The following OR1B1 variants were observed in gnomAD, a reference collection of about 807,000 sequenced individuals.
The protein encoded by OR1B1 is olfactory receptor 1B1.
For synonymous variants in OR1B1, 168 were observed against 156.2 expected (o/e 1.08, Z -0.57); for missense variants, 414 against 402.1 (o/e 1.03, Z -0.25).
At chr9:122,643,501 G>A in the OR1B1 span, among the ~76,000 whole-genome samples, 6 of 152,310 alleles carry the variant, frequency 3.9e-5, no homozygotes, top group African/African-American at 1.4e-4. Flanking sequence ...GGGTTGAAGT[G>A]TTCTCGGGTC....
At chr9:122,650,010 A>G in the OR1B1 span, among the ~76,000 whole-genome samples, 662 of 152,346 alleles carry the variant, frequency 4.3e-3, 4 homozygotes, top group African/African-American at 0.015. Context: ...ATGTCCATCA[A>G]TAATAGACTG....
upstream of OR1B1, among the ~76,000 whole-genome samples, chr9:122,631,562 T>A (rs117245783): frequency 6.6e-6 from 1 of 152,086 alleles, no homozygotes; most frequent in Non-Finnish European, 1.5e-5. Flanking sequence ...ATATGAAAAA[T>A]TAATATCTAA....
At chr9:122,631,810 C>G (rs1192878130), upstream of OR1B1, among the ~76,000 whole-genome samples, 6 of 152,068 alleles carry the variant, frequency 3.9e-5, no homozygotes, top group South Asian at 4.1e-4. Flanking sequence ...CACACACACA[C>G]CTACACCCAC....
upstream of OR1B1, among the ~76,000 whole-genome samples, chr9:122,630,405 C>G (rs180898323): frequency 7.2e-5 from 11 of 152,310 alleles, no homozygotes; most frequent in African/African-American, 2.2e-4. Flanking sequence ...CATTCCTTAA[C>G]GTCTATGTTT....
the OR1B1 span, among the ~76,000 whole-genome samples, chr9:122,654,685 A>G: frequency 3.3e-4 from 51 of 152,260 alleles, no homozygotes; most frequent in African/African-American, 1.2e-3. Flanking sequence ...CTCCATCACC[A>G]GTCTCTGGTA....
At chr9:122,628,332 C>G (rs910977248), downstream of OR1B1, among the ~76,000 whole-genome samples, 1 of 152,168 alleles carries the variant, frequency 6.6e-6, no homozygotes, top group African/African-American at 2.4e-5. Context: ...CTTTTTCATC[C>G]ACTTTGATAA....
chr9:122,650,798 C>T, the OR1B1 span, among the ~76,000 whole-genome samples: 2 of 152,058 alleles, frequency 1.3e-5, no homozygotes, highest in East Asian at 1.9e-4. Context: ...CTGAGGTGGG[C>T]GGATCACGAG....
the OR1B1 span, among the ~76,000 whole-genome samples, chr9:122,637,961 A>C: frequency 8.6e-3 from 1,308 of 152,304 alleles, 21 homozygotes; most frequent in African/African-American, 0.03. Context: ...ACTCTACATA[A>C]ATATTTTAAC....
the OR1B1 span, among the ~76,000 whole-genome samples, chr9:122,652,787 A>C: frequency 6.6e-6 from 1 of 152,272 alleles, no homozygotes; most frequent in East Asian, 1.9e-4. Context: ...TCCAAAATTA[A>C]CCCTCATTAT....
At chr9:122,643,483 G>A in the OR1B1 span, among the ~76,000 whole-genome samples, 37 of 152,274 alleles carry the variant, frequency 2.4e-4, no homozygotes, top group African/African-American at 8.4e-4. Flanking sequence ...AGCAAGCCTC[G>A]CCACCATGGG....
chr9:122,647,508 G>A, the OR1B1 span, among the ~76,000 whole-genome samples: 1 of 151,762 alleles, frequency 6.6e-6, no homozygotes, highest in South Asian at 2.1e-4. Context: ...AAAAGCAAGA[G>A]CAAACTGAAC....
chr9:122,657,479 G>A, the OR1B1 span, among the ~76,000 whole-genome samples: 1 of 152,134 alleles, frequency 6.6e-6, no homozygotes, highest in Non-Finnish European at 1.5e-5. Context: ...GGACTGGCTG[G>A]AAGTAGATCA....
At chr9:122,628,881 G>C (rs1374644214) in exon 1 of OR1B1, 6 of 1,613,980 alleles carry the variant, frequency 3.7e-6, no homozygotes, top group Non-Finnish European at 2.5e-6. Flanking sequence ...AGTACAATGA[G>C]GGCACAGGGG....
At chr9:122,651,367 T>A in the OR1B1 span, among the ~76,000 whole-genome samples, 2 of 152,224 alleles carry the variant, frequency 1.3e-5, no homozygotes, top group Admixed American at 6.5e-5. Context: ...CGTAATGTAT[T>A]ACTGTTAACT....
upstream of OR1B1, among the ~76,000 whole-genome samples, chr9:122,631,972 CAAAAT>C (rs377250933): frequency 6.6e-4 from 100 of 152,056 alleles, no homozygotes; most frequent in East Asian, 0.018. Flanking sequence ...CTAGAACTCT[CAAAAT>C]AAAAAATCAA....
At chr9:122,643,431 G>C in the OR1B1 span, among the ~76,000 whole-genome samples, 1 of 152,216 alleles carries the variant, frequency 6.6e-6, no homozygotes, top group African/African-American at 2.4e-5. Context: ...GCACTCGCTG[G>C]AGGGGAATCA....
upstream of OR1B1, among the ~76,000 whole-genome samples, chr9:122,630,203 C>T (rs571327077): frequency 5.8e-4 from 88 of 152,242 alleles, no homozygotes; most frequent in South Asian, 0.016. Flanking sequence ...TTGCTGATAA[C>T]GTGATCTTAT....
downstream of OR1B1, among the ~76,000 whole-genome samples, chr9:122,628,127 T>G (rs1226573466): frequency 1.3e-5 from 2 of 152,252 alleles, no homozygotes; most frequent in African/African-American, 4.8e-5. Flanking sequence ...GGTAGCGAAC[T>G]TAGCCCTATT....
At chr9:122,640,931 C>A in the OR1B1 span, among the ~76,000 whole-genome samples, 1 of 151,866 alleles carries the variant, frequency 6.6e-6, no homozygotes, top group Non-Finnish European at 1.5e-5. Context: ...ATACAAAGAC[C>A]CTGCCATAAA....
Sources: gnomAD v4.1 joint callset for allele counts (sites outside exome capture counted in the v4.1 genomes callset) on GRCh38, gnomAD v4.1.1 for gene constraint, MANE v1.5 for transcripts, NCBI Gene and HGNC (gene_info 2026-07-23, HGNC 2026-07-21) for gene names.